Variants in GALNT13 observed in about 807,000 individuals in gnomAD.
GALNT13 encodes the protein polypeptide N-acetylgalactosaminyltransferase 13.
A neutral mutation model predicts 64.2 loss-of-function variants in GALNT13; 28 were observed. The observed-to-expected ratio is 0.44, with a 90% confidence interval of 0.32 to 0.60. The LOEUF is 0.60. Ranked by LOEUF, GALNT13 falls within the 20% of genes least tolerant of loss-of-function variation. The pLI is 0.05. For synonymous variants in GALNT13, 214 were observed against 224.6 expected (o/e 0.95, Z 0.42); for missense variants, 577 against 669.8 (o/e 0.86, Z 1.53).
At chr2:153,131,661 C>T in the GALNT13 span, among the ~76,000 whole-genome samples, 2 of 152,250 alleles carry the variant, frequency 1.3e-5, no homozygotes, top group South Asian at 4.1e-4. Context: ...CTGAATAAAT[C>T]CATCTGTTAG....
the GALNT13 span, among the ~76,000 whole-genome samples, chr2:153,766,260 T>C: frequency 6.6e-6 from 1 of 152,162 alleles, no homozygotes; most frequent in Non-Finnish European, 1.5e-5. Context: ...ATGTGATATG[T>C]TCCTTATCTC....
the GALNT13 span, chr2:153,477,921 G>A: frequency 2.7e-6 from 1 of 367,134 alleles, no homozygotes; most frequent in Non-Finnish European, 5.0e-6. Flanking sequence ...CCACCTGCGG[G>A]TGGAGAAGGG....
chr2:153,909,019 C>G (rs2105310814), intron 2 of GALNT13, among the ~76,000 whole-genome samples: 1 of 152,128 alleles, frequency 6.6e-6, no homozygotes, highest in East Asian at 1.9e-4. Flanking sequence ...TTCCTCCTAT[C>G]CATGAGATCC....
chr2:153,912,304 G>A (rs571205633), intron 2 of GALNT13, among the ~76,000 whole-genome samples: 3 of 152,094 alleles, frequency 2.0e-5, no homozygotes, highest in African/African-American at 7.2e-5. Flanking sequence ...CAGATTCTGT[G>A]TCATTTTATT....
intron 8 of GALNT13, among the ~76,000 whole-genome samples, chr2:154,300,589 G>T (rs1318576803): frequency 2.0e-5 from 3 of 151,632 alleles, no homozygotes; most frequent in African/African-American, 4.9e-5. Flanking sequence ...ATATATAATT[G>T]TATGTATAGT....
At chr2:153,869,859 C>T (rs560214393), upstream of GALNT13, among the ~76,000 whole-genome samples, 1 of 152,158 alleles carries the variant, frequency 6.6e-6, no homozygotes, top group East Asian at 1.9e-4. Flanking sequence ...GCTAATGAGA[C>T]ACCAGCAAAT....
At chr2:153,078,265 T>C in the GALNT13 span, among the ~76,000 whole-genome samples, 2 of 152,068 alleles carry the variant, frequency 1.3e-5, no homozygotes, top group African/African-American at 4.8e-5. Context: ...ATTTTGACAG[T>C]TGTGTAATTA....
At chr2:153,894,888 A>G (rs1033473476) in intron 1 of GALNT13, among the ~76,000 whole-genome samples, 2 of 152,130 alleles carry the variant, frequency 1.3e-5, no homozygotes, top group South Asian at 2.1e-4. Flanking sequence ...AGCAAAGAAT[A>G]TGTAGTCTTG....
At chr2:154,210,994 T>C (rs1573883425) in intron 4 of GALNT13, among the ~76,000 whole-genome samples, 1 of 152,150 alleles carries the variant, frequency 6.6e-6, no homozygotes, top group Non-Finnish European at 1.5e-5. Context: ...GCAGGATTGG[T>C]AGTTCAATTT....
the GALNT13 span, among the ~76,000 whole-genome samples, chr2:153,085,398 T>TCA: frequency 3.3e-5 from 5 of 152,114 alleles, no homozygotes; most frequent in Admixed American, 2.6e-4. Context: ...GTTCCTTCCA[T>TCA]CACACGCCTG....
At chr2:153,576,151 C>A in the GALNT13 span, among the ~76,000 whole-genome samples, 1 of 149,584 alleles carries the variant, frequency 6.7e-6, no homozygotes, top group African/African-American at 2.5e-5. Context: ...GCCCTCCCCA[C>A]TCTTTCCTCT....
intron 6 of GALNT13, among the ~76,000 whole-genome samples, chr2:154,245,104 A>AAAT (rs1689706449): frequency 2.2e-5 from 3 of 137,788 alleles, no homozygotes; most frequent in Non-Finnish European, 4.7e-5. Flanking sequence ...AGGCTCTGTC[A>AAAT]AAATAAATAA....
At chr2:153,551,210 T>G in the GALNT13 span, among the ~76,000 whole-genome samples, 1 of 152,176 alleles carries the variant, frequency 6.6e-6, no homozygotes, top group Non-Finnish European at 1.5e-5. Context: ...CTTTTATGCT[T>G]CAGGAAAATC....
At chr2:154,050,392 C>T (rs1356546781) in intron 3 of GALNT13, among the ~76,000 whole-genome samples, 1 of 152,180 alleles carries the variant, frequency 6.6e-6, no homozygotes, top group Non-Finnish European at 1.5e-5. Context: ...TGCTACATCA[C>T]AGTGTCTGTG....
the GALNT13 span, among the ~76,000 whole-genome samples, chr2:153,206,344 TA>T: frequency 3.9e-5 from 6 of 152,228 alleles, no homozygotes; most frequent in South Asian, 1.0e-3. Context: ...ATTTCATGGC[TA>T]AAGGGCTTTT....
chr2:153,829,765 G>T, the GALNT13 span, among the ~76,000 whole-genome samples: 2 of 152,184 alleles, frequency 1.3e-5, no homozygotes, highest in African/African-American at 4.8e-5. Context: ...AGAAAATAAA[G>T]TTTCAAAATT....
the GALNT13 span, among the ~76,000 whole-genome samples, chr2:153,699,325 G>A: frequency 2.6e-5 from 4 of 152,136 alleles, no homozygotes; most frequent in Admixed American, 6.5e-5. Context: ...GTATCTCTGG[G>A]ACACAGCTAA....
At chr2:153,672,741 C>A in the GALNT13 span, among the ~76,000 whole-genome samples, 1 of 149,956 alleles carries the variant, frequency 6.7e-6, no homozygotes, top group South Asian at 2.1e-4. Flanking sequence ...CACAAAAAAC[C>A]CTTCAAAAAA....
chr2:153,204,884 T>C, the GALNT13 span, among the ~76,000 whole-genome samples: 1 of 151,928 alleles, frequency 6.6e-6, no homozygotes, highest in Non-Finnish European at 1.5e-5. Context: ...TATCAGCCAG[T>C]AAGGGGAAAA....
Sources: gnomAD v4.1 joint callset for allele counts (sites outside exome capture counted in the v4.1 genomes callset) on GRCh38, gnomAD v4.1.1 for gene constraint, MANE v1.5 for transcripts, NCBI Gene and HGNC (gene_info 2026-07-23, HGNC 2026-07-21) for gene names.